The following METTL16 variants were observed in gnomAD, a reference collection of about 807,000 sequenced individuals.
METTL16 encodes methyltransferase 16, RNA N6-adenosine.
METTL16 carries 19 observed loss-of-function variants against 57.9 expected under a neutral mutation model. That is an observed-to-expected ratio of 0.33 (90% CI 0.23 to 0.48). The LOEUF (loss-of-function observed/expected upper bound fraction) is 0.48, where lower values mean the gene tolerates loss of function less well. Among genes scored for constraint, METTL16 ranks in the 20% least tolerant of loss-of-function variants. METTL16 has a pLI of 0.99. For synonymous variants in METTL16, 246 were observed against 255.6 expected (o/e 0.96, Z 0.36); for missense variants, 434 against 691.5 (o/e 0.63, Z 4.18).
chr17:2,470,076 G>C (rs1354727104), intron 4 of METTL16, among the ~76,000 whole-genome samples: 2 of 152,120 alleles, frequency 1.3e-5, no homozygotes, highest in East Asian at 3.8e-4. Context: ...ATTTTATGGT[G>C]TTCCTGTTCA....
chr17:2,499,895 A>G (rs2067475099), intron 2 of METTL16, among the ~76,000 whole-genome samples: 1 of 152,058 alleles, frequency 6.6e-6, no homozygotes, highest in Admixed American at 6.6e-5. Flanking sequence ...CTGTGACTAT[A>G]GTGTGCATCA....
chr17:2,478,744 G>T (rs2067284145), intron 2 of METTL16, among the ~76,000 whole-genome samples: 1 of 152,172 alleles, frequency 6.6e-6, no homozygotes, highest in Non-Finnish European at 1.5e-5. Flanking sequence ...TCATAATGAG[G>T]TCTTCTGGTC....
chr17:2,430,075 A>G (rs1045019117), intron 8 of METTL16, among the ~76,000 whole-genome samples: 1 of 151,694 alleles, frequency 6.6e-6, no homozygotes, highest in South Asian at 2.1e-4. Context: ...CGGCCTCCCA[A>G]AGTGCTGGGA....
chr17:2,451,711 G>A (rs1164934740), intron 6 of METTL16, among the ~76,000 whole-genome samples: 3 of 152,026 alleles, frequency 2.0e-5, no homozygotes, highest in African/African-American at 7.2e-5. Context: ...ATGAACAAGA[G>A]GAAGGAAGAG....
intron 2 of METTL16, among the ~76,000 whole-genome samples, chr17:2,484,191 A>G (rs2067325751): frequency 6.6e-6 from 1 of 152,212 alleles, no homozygotes; most frequent in South Asian, 2.1e-4. Flanking sequence ...GCTATTTTGC[A>G]CTGGCATTTC....
chr17:2,473,082 G>T (rs914344077), intron 4 of METTL16, among the ~76,000 whole-genome samples: 3 of 152,146 alleles, frequency 2.0e-5, no homozygotes, highest in Admixed American at 2.0e-4. Context: ...AGAAGGCTAT[G>T]CGTGTGTGGG....
chr17:2,495,087 T>C (rs371379360), intron 2 of METTL16, among the ~76,000 whole-genome samples: 2 of 151,318 alleles, frequency 1.3e-5, no homozygotes, highest in Non-Finnish European at 2.9e-5. Context: ...TGGTGGCTCA[T>C]GCCTGTAATC....
intron 6 of METTL16, among the ~76,000 whole-genome samples, chr17:2,462,957 C>G (rs1418508329): frequency 6.6e-6 from 1 of 152,186 alleles, no homozygotes; most frequent in Non-Finnish European, 1.5e-5. Flanking sequence ...ACCATATTAT[C>G]CATCATTTCA....
intron 6 of METTL16, among the ~76,000 whole-genome samples, chr17:2,451,357 G>A (rs56367015): frequency 0.25 from 38,672 of 152,074 alleles, 7,955 homozygotes; most frequent in African/African-American, 0.57. Flanking sequence ...AGCGGCTCAC[G>A]CCTGTAATCC....
intron 4 of METTL16, among the ~76,000 whole-genome samples, chr17:2,472,528 C>T (rs990824141): frequency 2.6e-5 from 4 of 152,018 alleles, no homozygotes; most frequent in African/African-American, 7.3e-5. Context: ...TGTCAAAATT[C>T]GAAAGCAATC....
At chr17:2,479,166 T>G (rs1002949530) in intron 2 of METTL16, among the ~76,000 whole-genome samples, 2 of 151,956 alleles carry the variant, frequency 1.3e-5, no homozygotes, top group South Asian at 4.2e-4. Context: ...TTGTGGGTTT[T>G]GTTTTGTTTT....
At chr17:2,502,559 G>A (rs1463930955) in intron 1 of METTL16, among the ~76,000 whole-genome samples, 1 of 152,046 alleles carries the variant, frequency 6.6e-6, no homozygotes, top group Non-Finnish European at 1.5e-5. Context: ...ATGGTGGCGG[G>A]AGCCTGTAAT....
intron 4 of METTL16, among the ~76,000 whole-genome samples, chr17:2,471,416 C>A (rs2067233971): frequency 1.3e-5 from 2 of 152,138 alleles, no homozygotes; most frequent in East Asian, 3.9e-4. Flanking sequence ...AAGGATCTAC[C>A]CACCTCAGCC....
intron 4 of METTL16, among the ~76,000 whole-genome samples, chr17:2,470,309 G>GA (rs35163850): frequency 0.36 from 53,817 of 147,510 alleles, 12,778 homozygotes; most frequent in African/African-American, 0.68. Context: ...AAATGAAAAA[G>GA]AAAAAAAAAA....
chr17:2,448,818 A>AATAAAATAAAATAAAATAAAATAAAAT (rs2067045781), intron 6 of METTL16, among the ~76,000 whole-genome samples: 1 of 137,866 alleles, frequency 7.3e-6, no homozygotes, highest in African/African-American at 3.0e-5. Context: ...AAAAAAAAAA[A>AATAAAATAAAATAAAATAAAATAAAAT]AAAAAAAAGA....
intron 4 of METTL16, among the ~76,000 whole-genome samples, chr17:2,473,153 G>A (rs2067245653): frequency 6.6e-6 from 1 of 152,000 alleles, no homozygotes; most frequent in South Asian, 2.1e-4. Flanking sequence ...ACCTAAAAAT[G>A]CCCTAAAAAA....
Position 2,420,356 on chromosome 17 carries a change from C to G in METTL16, c.1303G>C (p.Ala435Pro), listed in dbSNP as rs759724067. Residue 435 changes from alanine to proline, a missense_variant, in exon 10 of 10, where the codon GCT becomes CCT. Coordinates refer to ENST00000263092, the MANE Select transcript of METTL16 (RefSeq NM_024086.4). The surrounding 1 kb of genome is among the most constrained non-coding windows in gnomAD (Gnocchi z 5.4). Reference protein sequence around the residue: ...GPQERTPCGPALREGEAAAVE... With the variant: ...GPQERTPCGPPLREGEAAAVE... The stretch of plus-strand genomic sequence containing the variant: ...GCGGCAGCCTCGCCTTCCCGCAGAG[C>G]AGGCCCACAGGGGGTCCTCTCCTGG... 1.2e-6 allele frequency: 2 copies of G among 1,611,804 alleles called. No individual in the cohort carries two copies. The highest frequency in any genetic ancestry group is 2.7e-5 in the African/African-American group (2 of 74,942).
intron 8 of METTL16, among the ~76,000 whole-genome samples, chr17:2,434,846 CAGGGG>C (rs2066898109): frequency 6.6e-6 from 1 of 152,244 alleles, no homozygotes. Context: ...GTCTTCAATG[CAGGGG>C]ATCCTTTTTA....
chr17:2,420,360 C>T lies in METTL16; in HGVS notation c.1299G>A (p.Gly433=). Residue 433 remains glycine, a synonymous_variant, in exon 10 of 10, where the codon GGG becomes GGA. Transcript: ENST00000263092. The surrounding 1 kb of genome is among the most constrained non-coding windows in gnomAD (Gnocchi z 5.4). ...ARGPQERTPC[G]PALREGEAAA... ...CAGCCTCGCCTTCCCGCAGAGCAGGCCCACAGGGGGTCCTCTCCTGGGGGC... is the reference window on the plus strand; with the variant it reads ...CAGCCTCGCCTTCCCGCAGAGCAGGTCCACAGGGGGTCCTCTCCTGGGGGC... The T allele has an allele frequency of 6.2e-7, 1 of 1,612,092 alleles. No homozygotes were observed. The highest frequency in any genetic ancestry group is 8.5e-7 in the Non-Finnish European group (1 of 1,180,006).
Sources: gnomAD v4.1 joint callset for allele counts (sites outside exome capture counted in the v4.1 genomes callset) on GRCh38, gnomAD v4.1.1 for gene constraint, Gnocchi (gnomAD v3.1) non-coding constraint, MANE v1.5 for transcripts, NCBI Gene and HGNC (gene_info 2026-07-23, HGNC 2026-07-21) for gene names.